Variants in PDE11A observed in about 807,000 individuals in gnomAD.
The protein encoded by PDE11A is dual 3',5'-cyclic-AMP and -GMP phosphodiesterase 11A.
In PDE11A, 100 loss-of-function variants were observed where a neutral mutation model predicts 100.5. The ratio of observed to expected loss-of-function variants is 1.00; its 90% CI spans 0.85 to 1.18. The LOEUF is 1.18. PDE11A is among the 50% of genes most tolerant of loss of function. The pLI is 0.00. For missense variants in PDE11A, 1,141 were observed against 1,152.6 expected, an observed-to-expected ratio of 0.99 and a Z score of 0.15; for synonymous variants, 381 against 420.8, an observed-to-expected ratio of 0.91 and a Z score of 1.16.
intron 2 of PDE11A, among the ~76,000 whole-genome samples, chr2:178,083,868 G>T (rs1056596315): frequency 6.6e-6 from 1 of 152,050 alleles, no homozygotes; most frequent in Non-Finnish European, 1.5e-5. Context: ...CTTCTTTTAT[G>T]AAAAGGATAA....
chr2:177,631,399 T>C (rs1229287382), intron 19 of PDE11A, among the ~76,000 whole-genome samples: 2 of 138,354 alleles, frequency 1.4e-5, no homozygotes, highest in Non-Finnish European at 3.0e-5. Context: ...GAGAATCGCT[T>C]GAACCCAGGA....
At chr2:177,640,288 C>T (rs1228323786) in intron 19 of PDE11A, among the ~76,000 whole-genome samples, 1 of 152,234 alleles carries the variant, frequency 6.6e-6, no homozygotes, top group African/African-American at 2.4e-5. Flanking sequence ...GATCACTTTA[C>T]TACCATGATT....
chr2:177,670,126 G>A (rs1315115986), intron 17 of PDE11A, among the ~76,000 whole-genome samples: 2 of 152,138 alleles, frequency 1.3e-5, no homozygotes, highest in Admixed American at 6.5e-5. Flanking sequence ...CAATCAAGAG[G>A]CAGGACTAAT....
intron 6 of PDE11A, among the ~76,000 whole-genome samples, chr2:177,823,569 T>C (rs1256581895): frequency 6.6e-6 from 1 of 152,104 alleles, no homozygotes; most frequent in East Asian, 1.9e-4. Flanking sequence ...CTTAGGGAGA[T>C]TAACTGCCTT....
chr2:177,682,065 T>G (rs1218563377), intron 15 of PDE11A, among the ~76,000 whole-genome samples: 1 of 152,128 alleles, frequency 6.6e-6, no homozygotes, highest in Non-Finnish European at 1.5e-5. Flanking sequence ...CATTTACAAT[T>G]TATTCTGGAA....
At chr2:178,094,503 G>A (rs564010440) in intron 2 of PDE11A, among the ~76,000 whole-genome samples, 4 of 152,308 alleles carry the variant, frequency 2.6e-5, no homozygotes, top group Admixed American at 6.5e-5. Context: ...CTGCACTCCA[G>A]CCTGGGCAAC....
chr2:177,904,796 C>T (rs1468013178), intron 3 of PDE11A, among the ~76,000 whole-genome samples: 3 of 152,104 alleles, frequency 2.0e-5, no homozygotes, highest in African/African-American at 7.2e-5. Context: ...TCAGGTGATT[C>T]ACTCACCTTG....
At chr2:178,065,519 T>C (rs2087031659) in intron 1 of PDE11A, among the ~76,000 whole-genome samples, 2 of 152,224 alleles carry the variant, frequency 1.3e-5, no homozygotes, top group Admixed American at 1.3e-4. Flanking sequence ...GCAGCAAATG[T>C]AATTTGTCCT....
intron 10 of PDE11A, among the ~76,000 whole-genome samples, chr2:177,745,934 C>T (rs900287227): frequency 1.3e-5 from 2 of 152,146 alleles, no homozygotes; most frequent in African/African-American, 2.4e-5. Context: ...TTGATAACCA[C>T]CTGCCTGTGA....
intron 10 of PDE11A, among the ~76,000 whole-genome samples, chr2:177,762,749 T>C (rs1558925919): frequency 6.6e-6 from 1 of 152,284 alleles, no homozygotes; most frequent in Middle Eastern, 3.4e-3. Flanking sequence ...CTCACAGTGA[T>C]CTTCTGGGGA....
chr2:177,796,467 T>C (rs1012335435), intron 9 of PDE11A, among the ~76,000 whole-genome samples: 5 of 151,472 alleles, frequency 3.3e-5, no homozygotes, highest in African/African-American at 4.9e-5. Context: ...GTGTGTGGGG[T>C]TGACCAAGTT....
At chr2:177,739,493 G>A (rs939885612) in intron 10 of PDE11A, among the ~76,000 whole-genome samples, 1 of 152,170 alleles carries the variant, frequency 6.6e-6, no homozygotes, top group Non-Finnish European at 1.5e-5. Flanking sequence ...GGAGATAGGA[G>A]TGTACTCTGT....
At chr2:177,663,195 A>G (rs1215251646) in intron 19 of PDE11A, among the ~76,000 whole-genome samples, 1 of 147,644 alleles carries the variant, frequency 6.8e-6, no homozygotes, top group Non-Finnish European at 1.5e-5. Context: ...AGTGTGAACC[A>G]TTCAAAGCGA....
Position 177,840,317 on chromosome 2 carries a change from C to G in PDE11A, c.1434G>C (p.Leu478=), listed in dbSNP as rs776850698. ...TCACTGGAAGGCCTGTTGAAGCAAC[C>G]AGCTCAGCAATGCTGTTATTTATTA... ...DWLINNSIAE[L]VASTGLPVNI... The change falls in exon 6 of 20, where the codon CTG becomes CTC. Residue 478 remains leucine (L), a synonymous_variant. Transcript: ENST00000286063. The G allele has an allele frequency of 2.5e-6, 4 of 1,613,644 alleles. No individual in the cohort carries two copies. In the African/African-American group the frequency reaches 4.0e-5, roughly 16 times the overall value.
intron 4 of PDE11A, among the ~76,000 whole-genome samples, chr2:177,886,462 C>G (rs2084431721): frequency 6.6e-6 from 1 of 152,174 alleles, no homozygotes; most frequent in South Asian, 2.1e-4. Context: ...AATGCAGTTT[C>G]TAAACACAGA....
chr2:177,710,532 A>G (rs2081345774), intron 13 of PDE11A, among the ~76,000 whole-genome samples: 1 of 152,236 alleles, frequency 6.6e-6, no homozygotes, highest in South Asian at 2.1e-4. Flanking sequence ...AACTCTCACA[A>G]CTGTGACATT....
intron 1 of PDE11A, among the ~76,000 whole-genome samples, chr2:178,017,192 G>A (rs2086349295): frequency 6.6e-6 from 1 of 152,244 alleles, no homozygotes; most frequent in Non-Finnish European, 1.5e-5. Flanking sequence ...GCGCTAAGGC[G>A]CCACATACCA....
intron 9 of PDE11A, among the ~76,000 whole-genome samples, chr2:177,811,562 T>C (rs1005660696): frequency 2.4e-5 from 2 of 84,308 alleles, no homozygotes; most frequent in African/African-American, 1.5e-4. Flanking sequence ...AAATGTTTTG[T>C]ATGCTTACAT....
rs979704295 is a variant in PDE11A at position 177,759,925 on chromosome 2, A to G, written c.1788+9398T>C. On this transcript the variant is annotated intron_variant, in intron 10 of 19. Transcript: ENST00000286063. ...TCTGTCTTTCTCAGACGTCATTACC[A>G]TTCATGCTTATTTGACCCCCAAAAT... Among the ~76,000 whole-genome samples, 16 of 152,340 alleles carry G rather than the reference A, an allele frequency of 1.1e-4. 1 individual carries two copies. The highest frequency in any genetic ancestry group is 3.6e-4 in the African/African-American group (15 of 41,582).
Sources: allele counts gnomAD v4.1 joint callset (sites outside exome capture counted in the v4.1 genomes callset), GRCh38; gene constraint gnomAD v4.1.1; transcripts MANE v1.5; gene names NCBI Gene and HGNC (gene_info 2026-07-23, HGNC 2026-07-21).